PTBP2: variants seen among roughly 807,000 people sequenced by gnomAD.
PTBP2 encodes the protein polypyrimidine tract binding protein 2.
In PTBP2, 13 loss-of-function variants were observed where a neutral mutation model predicts 61.4. The ratio of observed to expected loss-of-function variants is 0.21; its 90% CI spans 0.14 to 0.34. PTBP2 has a LOEUF of 0.34. Ranked by LOEUF, PTBP2 falls within the 10% of genes least tolerant of loss-of-function variation. The pLI, the probability that PTBP2 is intolerant of heterozygous loss-of-function variation, is 1.00. For synonymous variants in PTBP2, 215 were observed against 218.5 expected (o/e 0.98, Z 0.14); for missense variants, 405 against 642.6 (o/e 0.63, Z 4.00).
chr1:96,731,181 A>T (rs1184463463), intron 2 of PTBP2, among the ~76,000 whole-genome samples: 1 of 152,182 alleles, frequency 6.6e-6, no homozygotes, highest in Non-Finnish European at 1.5e-5. Context: ...TGTTGTTATA[A>T]CATGTGGACA....
intron 5 of PTBP2, among the ~76,000 whole-genome samples, 199 bp from the exon 6 acceptor site, chr1:96,777,386 A>T (rs1658157046): frequency 6.6e-6 from 1 of 152,144 alleles, no homozygotes; most frequent in African/African-American, 2.4e-5. Flanking sequence ...TTTTTGAATG[A>T]AATACTAGTA....
At chr1:96,740,171 A>T (rs910618831) in intron 2 of PTBP2, among the ~76,000 whole-genome samples, 10 of 152,188 alleles carry the variant, frequency 6.6e-5, no homozygotes, top group Non-Finnish European at 1.3e-4. Flanking sequence ...CCCCTGTGTC[A>T]TAACTCAGAC....
chr1:96,768,582 A>G (rs186879539), intron 3 of PTBP2, among the ~76,000 whole-genome samples: 2 of 152,034 alleles, frequency 1.3e-5, no homozygotes, highest in African/African-American at 4.8e-5. Context: ...GGCATAGTAG[A>G]TATACTGCAA....
downstream of PTBP2, chr1:96,815,175 C>G (rs978314496): frequency 2.9e-5 from 4 of 138,896 alleles, no homozygotes; most frequent in Admixed American, 2.3e-4. Context: ...CTTGTTAATT[C>G]TATCTCTTTT....
intron 2 of PTBP2, among the ~76,000 whole-genome samples, chr1:96,745,311 C>T (rs565988655): frequency 2.0e-5 from 3 of 152,022 alleles, no homozygotes; most frequent in South Asian, 2.1e-4. Flanking sequence ...TTCAGGCACC[C>T]GCCACCACAC....
Position 96,726,074 on chromosome 1 carries a change from C to CAAAAA in PTBP2, c.39+2513_39+2517dup, listed in dbSNP as rs762152365. ...TGGGCGACAGAGACAGACTCTATCT[C>CAAAAA]AAAAAAAAAAAAAAAAAAAAAAAAA... is the stretch of plus-strand genomic sequence containing the variant. On this transcript the variant is annotated intron_variant, in intron 2 of 13. Transcript: ENST00000674951. Among the ~76,000 whole-genome samples, 21 of 54,216 alleles carry CAAAAA rather than the reference C, an allele frequency of 3.9e-4. 3 individuals carry two copies. The highest frequency in any genetic ancestry group is 5.5e-4 in the Non-Finnish European group (17 of 31,188). The allele number at this position is 54,216 out of a possible 152,430, so 35.6% of individuals were successfully genotyped here.
rs201636537 is a variant in PTBP2, at chr1:96,721,859, T to G, written c.-6T>G. 5 of 1,572,436 alleles carry G rather than the reference T, an allele frequency of 3.2e-6. No individual in the cohort carries two copies. The East Asian group carries it at 9.3e-5, about 29-fold the overall frequency. ...TCTTGTGAGCGAAGCTTTGTCCGGT[T>G]CGGCAATGGACGGGTATGTAATCGG... On this transcript the variant is annotated 5_prime_UTR_variant, in exon 1 of 14. Coordinates refer to ENST00000674951, the MANE Select transcript of PTBP2 (RefSeq NM_021190.4).
downstream of PTBP2, chr1:96,819,256 C>T (rs577017526): frequency 6.6e-6 from 1 of 152,074 alleles, no homozygotes; most frequent in African/African-American, 2.4e-5. Flanking sequence ...ATGCCTAAGC[C>T]TTACTGAATG....
chr1:96,775,299 T>G (rs747945480), intron 5 of PTBP2, among the ~76,000 whole-genome samples: 1 of 152,186 alleles, frequency 6.6e-6, no homozygotes, highest in Non-Finnish European at 1.5e-5. Context: ...TTAACATACC[T>G]GAGAACATGT....
chr1:96,787,367 G>C (rs368973507), intron 8 of PTBP2, among the ~76,000 whole-genome samples: 1 of 152,114 alleles, frequency 6.6e-6, no homozygotes, highest in Non-Finnish European at 1.5e-5. Flanking sequence ...CATTAAAGGC[G>C]TGTAAATTAA....
rs1662417669 is a variant in PTBP2 at position 96,815,049 on chromosome 1, A to G, written c.*1644A>G. 6.6e-6 allele frequency: 1 copy of G among 152,548 alleles called. No individual in the cohort carries two copies. Among genetic ancestry groups the G allele is most frequent in the African/African-American group, 2.4e-5 (1 of 41,426 alleles). The allele number at this position is 152,548 out of a possible 1,614,324, so 9.4% of individuals were successfully genotyped here. On this transcript the variant is annotated 3_prime_UTR_variant, in exon 14 of 14. Coordinates refer to ENST00000674951, the MANE Select transcript of PTBP2 (RefSeq NM_021190.4). ...AAATAAATCTAGATGCTGTGAAAAT[A>G]TACCAGCTGGTTTTTTTTAATTTAA...
rs754544644 is a variant in PTBP2, at chr1:96,770,869, C to T, written c.432+18C>T. On this transcript the variant is annotated intron_variant, in intron 5 of 13. Coordinates refer to ENST00000674951, the MANE Select transcript of PTBP2 (RefSeq NM_021190.4). ...TAAACCAAGTAAGTATGTGTAGGTA[C>T]ATAAATAAAATGGCCTAGAACATAT... is the stretch of plus-strand genomic sequence containing the variant. 27 of 1,539,994 alleles carry T rather than the reference C, an allele frequency of 1.8e-5. No individual in the cohort carries two copies. The highest frequency in any genetic ancestry group is 2.3e-5 in the Non-Finnish European group (26 of 1,114,530).
chr1:96,788,504 A>G (rs1659445768), intron 8 of PTBP2, among the ~76,000 whole-genome samples: 1 of 152,082 alleles, frequency 6.6e-6, no homozygotes, highest in Non-Finnish European at 1.5e-5. Flanking sequence ...TTTTAGAATA[A>G]TAACTGAATC....
intron 8 of PTBP2, among the ~76,000 whole-genome samples, chr1:96,801,940 G>A (rs1375671501): frequency 1.3e-5 from 2 of 150,552 alleles, no homozygotes; most frequent in African/African-American, 4.9e-5. Flanking sequence ...GGCCGGGCGC[G>A]GTGGCTCATG....
intron 2 of PTBP2, among the ~76,000 whole-genome samples, chr1:96,742,173 T>C (rs1653122735): frequency 6.6e-6 from 1 of 152,006 alleles, no homozygotes; most frequent in Non-Finnish European, 1.5e-5. Flanking sequence ...AAAATGGCAA[T>C]TTTTTTTGAG....
At chr1:96,774,915 C>T (rs1269789597) in intron 5 of PTBP2, among the ~76,000 whole-genome samples, 1 of 152,170 alleles carries the variant, frequency 6.6e-6, no homozygotes, top group African/African-American at 2.4e-5. Flanking sequence ...ATCCTGTAAC[C>T]TGGCATGTTT....
At chr1:96,739,925 A>G (rs540632124) in intron 2 of PTBP2, among the ~76,000 whole-genome samples, 6 of 152,134 alleles carry the variant, frequency 3.9e-5, no homozygotes, top group Non-Finnish European at 5.9e-5. Flanking sequence ...CGCCTGGCCA[A>G]TCTGAAACTT....
In PTBP2 at chr1:96,769,791, G is replaced by A. The variant is rs1657179335; in HGVS notation, c.204G>A (p.Gly68=). 1.2e-6 allele frequency: 2 copies of A among 1,611,924 alleles called. No homozygotes were observed. Among genetic ancestry groups the A allele is most frequent in the East Asian group, 4.5e-5 (2 of 44,686 alleles). Residue 68 remains glycine (G), a synonymous_variant, in exon 4 of 14, where the codon GGG becomes GGA. Coordinates refer to ENST00000674951, the MANE Select transcript of PTBP2 (RefSeq NM_021190.4). Reference sequence around the variant, plus strand: ...TACTTCATATTCGAAAATTACCTGGGGAAGTAACAGAAACTGAAGTTATTG... The same window carrying A: ...TACTTCATATTCGAAAATTACCTGGAGAAGTAACAGAAACTGAAGTTATTG... The part of the protein sequence containing the change: ...SRVLHIRKLP[G]EVTETEVIAL...
intron 8 of PTBP2, among the ~76,000 whole-genome samples, chr1:96,788,918 T>A (rs1659490338): frequency 6.6e-6 from 1 of 152,028 alleles, no homozygotes; most frequent in African/African-American, 2.4e-5. Context: ...TGTAATGAGT[T>A]TAAAATCTGA....
Sources: gnomAD v4.1 joint callset for allele counts (sites outside exome capture counted in the v4.1 genomes callset) on GRCh38, gnomAD v4.1.1 for gene constraint, MANE v1.5 for transcripts, NCBI Gene and HGNC (gene_info 2026-07-23, HGNC 2026-07-21) for gene names.